TCF20: variants seen among roughly 807,000 people sequenced by gnomAD.
TCF20 encodes the protein SPRE-binding protein.
TCF20 carries 3 observed loss-of-function variants against 148.6 expected under a neutral mutation model. The observed-to-expected ratio is 0.02, with a 90% CI of 0.01 to 0.05. The LOEUF is 0.05. TCF20 is among the 10% of genes least tolerant of loss of function. TCF20 has a pLI of 1.00. For missense variants in TCF20, 2,350 were observed against 2,429.3 expected, an observed-to-expected ratio of 0.97 and a Z score of 0.69; for synonymous variants, 1,049 against 909.5, an observed-to-expected ratio of 1.15 and a Z score of -2.76.
intron 1 of TCF20, among the ~76,000 whole-genome samples, chr22:42,311,874 A>G (rs1927543246): frequency 6.6e-6 from 1 of 152,194 alleles, no homozygotes; most frequent in Admixed American, 6.5e-5. Flanking sequence ...TCCTAGGCAC[A>G]TAGGTTACCC....
intron 1 of TCF20, among the ~76,000 whole-genome samples, chr22:42,238,836 GGCCGGGCGCGGTGGCTCAC>G (rs1924115217): frequency 6.6e-6 from 1 of 152,224 alleles, no homozygotes; most frequent in Non-Finnish European, 1.5e-5. Flanking sequence ...AGTAACATCA[GGCCGGGCGCGGTGGCTCAC>G]GCCTGTAATC....
intron 5 of TCF20, among the ~76,000 whole-genome samples, chr22:42,167,379 C>T (rs1418757090): frequency 6.6e-6 from 1 of 152,200 alleles, no homozygotes; most frequent in Non-Finnish European, 1.5e-5. Flanking sequence ...GGAAGGGACA[C>T]GTCTAGCGTA....
At chr22:42,231,694 C>T (rs577129445) in intron 1 of TCF20, among the ~76,000 whole-genome samples, 1 of 152,084 alleles carries the variant, frequency 6.6e-6, no homozygotes, top group East Asian at 1.9e-4. Context: ...TTTTGAGAGG[C>T]CCAGGCGGGT....
At chr22:42,222,015 G>A (rs1922420796) in intron 1 of TCF20, among the ~76,000 whole-genome samples, 1 of 152,122 alleles carries the variant, frequency 6.6e-6, no homozygotes, top group Non-Finnish European at 1.5e-5. Flanking sequence ...TGGGATTACA[G>A]GCATGAGCCA....
At chr22:42,222,760 T>C (rs1922494823) in intron 1 of TCF20, among the ~76,000 whole-genome samples, 1 of 152,242 alleles carries the variant, frequency 6.6e-6, no homozygotes, top group Admixed American at 6.5e-5. Context: ...CAAATCTTCC[T>C]CTAAGCAGAG....
At chr22:42,169,262 T>C (rs1450968670) in intron 4 of TCF20, among the ~76,000 whole-genome samples, 1 of 151,926 alleles carries the variant, frequency 6.6e-6, no homozygotes, top group Non-Finnish European at 1.5e-5. Flanking sequence ...ATATGTGGTA[T>C]CCACAAACAG....
intron 1 of TCF20, among the ~76,000 whole-genome samples, chr22:42,319,318 G>A (rs1354623332): frequency 6.6e-6 from 1 of 152,126 alleles, no homozygotes; most frequent in Non-Finnish European, 1.5e-5. Flanking sequence ...GGATCTGGGG[G>A]CCAGGCCACC....
At chr22:42,186,675 G>A (rs1937062467) in intron 2 of TCF20, among the ~76,000 whole-genome samples, 1 of 152,146 alleles carries the variant, frequency 6.6e-6, no homozygotes, top group Admixed American at 6.5e-5. Flanking sequence ...CGACGGTGTG[G>A]AAGGTCAGTT....
intron 1 of TCF20, among the ~76,000 whole-genome samples, chr22:42,314,925 G>T (rs1219391143): frequency 6.6e-6 from 1 of 152,070 alleles, no homozygotes; most frequent in Non-Finnish European, 1.5e-5. Context: ...AGAGCGGAAG[G>T]CCCTCACAGC....
At chr22:42,176,462 C>G (rs895739140) in intron 3 of TCF20, among the ~76,000 whole-genome samples, 7 of 152,182 alleles carry the variant, frequency 4.6e-5, no homozygotes, top group East Asian at 1.9e-4. Flanking sequence ...CTGTTCCCAT[C>G]ATGCAGTCAG....
At chr22:42,264,664 T>G (rs998641794) in intron 1 of TCF20, among the ~76,000 whole-genome samples, 2 of 152,238 alleles carry the variant, frequency 1.3e-5, no homozygotes, top group Non-Finnish European at 1.5e-5. Flanking sequence ...ACAGGGATTA[T>G]CTTTGTGACC....
chr22:42,248,169 G>A (rs762070229), intron 1 of TCF20, among the ~76,000 whole-genome samples: 1 of 152,228 alleles, frequency 6.6e-6, no homozygotes, highest in African/African-American at 2.4e-5. Context: ...GAGAGAGCAC[G>A]TACTCATGTG....
At position 42,302,957 on chromosome 22, in the gene TCF20, C is replaced by A. The variant is rs1367483614; in HGVS notation, c.-37+40522G>T. ...CATTTATTGTTTTTTTGAGACAGAG[C>A]CTCGCTCTGTTGCCCAGGCTGGAGT... On this transcript the variant is annotated intron_variant, in intron 1 of 1. Coordinates refer to the TCF20 transcript ENST00000515426. Among the ~76,000 whole-genome samples, 5 of 152,122 alleles carry A rather than the reference C, an allele frequency of 3.3e-5. No individual in the cohort carries two copies. The East Asian group carries it at 9.6e-4, about 29-fold the overall frequency.
chr22:42,288,749 CAGAG>C (rs1182887393), upstream of TCF20, among the ~76,000 whole-genome samples: 10 of 130,482 alleles, frequency 7.7e-5, no homozygotes, highest in South Asian at 4.9e-4. Flanking sequence ...AAAAAAAAGA[CAGAG>C]AGCAGAGTGT....
rs561145492 is a variant in TCF20 at position 42,242,018 on chromosome 22, C to G, written c.-36-26677G>C. On this transcript the variant is annotated intron_variant, in intron 1 of 5. Transcript: ENST00000677622. ...GAGATCGAGACCATCCTGGCTAACA[C>G]AGTGAAACCCCGTGTCTACTAAAAA... is the stretch of plus-strand genomic sequence containing the variant. 7.3e-5 allele frequency among the ~76,000 whole-genome samples: 11 copies of G among 151,686 alleles called. No individual in the cohort carries two copies. The East Asian group carries it at 2.1e-3, about 29-fold the overall frequency.
At chr22:42,249,730 A>G (rs1210199480) in intron 1 of TCF20, among the ~76,000 whole-genome samples, 1 of 152,008 alleles carries the variant, frequency 6.6e-6, no homozygotes, top group Non-Finnish European at 1.5e-5. Flanking sequence ...AATACAAGAA[A>G]TCTCCCCTGC....
upstream of TCF20, among the ~76,000 whole-genome samples, chr22:42,272,233 G>A (rs537642091): frequency 3.3e-5 from 5 of 152,306 alleles, no homozygotes; most frequent in South Asian, 8.3e-4. Flanking sequence ...CAGGCCTCAA[G>A]ACTTTTAAAA....
chr22:42,307,140 G>C (rs1016384574), intron 1 of TCF20, among the ~76,000 whole-genome samples: 7 of 152,136 alleles, frequency 4.6e-5, no homozygotes, highest in Non-Finnish European at 8.8e-5. Flanking sequence ...ACGACAGCAT[G>C]GGGTTGCCCC....
intron 1 of TCF20, among the ~76,000 whole-genome samples, chr22:42,259,960 T>TA (rs1925942148): frequency 6.6e-6 from 1 of 152,170 alleles, no homozygotes. Context: ...TTTTTAAAAA[T>TA]AAATTAATTA....
Sources: allele counts gnomAD v4.1 joint callset (sites outside exome capture counted in the v4.1 genomes callset), GRCh38; gene constraint gnomAD v4.1.1; transcripts MANE v1.5; gene names NCBI Gene and HGNC (gene_info 2026-07-23, HGNC 2026-07-21).